TVP23C: variants seen among roughly 807,000 people sequenced by gnomAD.
The protein encoded by TVP23C is Golgi apparatus membrane protein TVP23 homolog C.
In TVP23C, 19 loss-of-function variants were observed where a neutral mutation model predicts 28.7. That is an observed-to-expected ratio of 0.66 (90% CI 0.46 to 0.97). TVP23C has a LOEUF of 0.97. Among genes scored for constraint, TVP23C ranks in the 50% least tolerant of loss-of-function variants. TVP23C has a pLI of 0.00. For missense variants in TVP23C, 186 were observed against 241.3 expected, an observed-to-expected ratio of 0.77 and a Z score of 1.52; for synonymous variants, 68 against 81.7, an observed-to-expected ratio of 0.83 and a Z score of 0.90.
At chr17:15,543,474 G>A (rs1983510544) in intron 5 of TVP23C, among the ~76,000 whole-genome samples, 1 of 151,470 alleles carries the variant, frequency 6.6e-6, no homozygotes, top group Non-Finnish European at 1.5e-5. Flanking sequence ...CAAAATAAAA[G>A]CATTCCTGGG....
chr17:15,529,646 TTGAC>T (rs1982871797), intron 5 of TVP23C, among the ~76,000 whole-genome samples: 1 of 152,224 alleles, frequency 6.6e-6, no homozygotes, highest in Non-Finnish European at 1.5e-5. Context: ...AATCTACTGT[TTGAC>T]ATTAGCATAG....
downstream of TVP23C, among the ~76,000 whole-genome samples, chr17:15,534,972 AT>A: frequency 6.6e-6 from 1 of 150,846 alleles, no homozygotes; most frequent in East Asian, 1.9e-4. Flanking sequence ...CCATGTCAAA[AT>A]AAAAAAACAA....
chr17:15,555,873 CTGTATTTACACTT>C (rs1314482022), intron 1 of TVP23C, among the ~76,000 whole-genome samples: 2 of 152,120 alleles, frequency 1.3e-5, no homozygotes, highest in Non-Finnish European at 2.9e-5. Flanking sequence ...TCATTTTCCC[CTGTATTTACACTT>C]TCTTCTATCT....
At chr17:15,519,064 A>G (rs1982357682) in intron 5 of TVP23C, among the ~76,000 whole-genome samples, 1 of 152,072 alleles carries the variant, frequency 6.6e-6, no homozygotes, top group Non-Finnish European at 1.5e-5. Flanking sequence ...ACCTACCACC[A>G]TGACTATAAG....
chr17:15,557,556 C>A (rs530322066), intron 1 of TVP23C, among the ~76,000 whole-genome samples: 1 of 148,946 alleles, frequency 6.7e-6, no homozygotes, highest in African/African-American at 2.4e-5. Context: ...ACCTCACCCC[C>A]CCATAGTGCT....
intron 1 of TVP23C, among the ~76,000 whole-genome samples, chr17:15,559,848 C>T (rs1183668822): frequency 6.7e-6 from 1 of 148,640 alleles, no homozygotes; most frequent in Admixed American, 6.8e-5. Flanking sequence ...ATAAAGATGG[C>T]TAAGACAGAC....
rs561935437 is a variant in TVP23C at position 15,537,913 on chromosome 17, G to C, written c.*2499C>G. On this transcript the variant is annotated 3_prime_UTR_variant, in exon 6 of 6. Coordinates refer to ENST00000518321, the MANE Select transcript of TVP23C (RefSeq NM_001135036.2). ...ACACCACAGAACAAATCTTAACAAT[G>C]TTTCTAGTGCCAACATATACTTTCT... The C allele has an allele frequency of 2.7e-5, 39 of 1,433,546 alleles. No individual in the cohort carries two copies. In the African/African-American group the frequency reaches 4.0e-4, roughly 15 times the overall value. 88.8% of individuals were successfully genotyped at this position (1,433,546 alleles called of 1,614,324 possible). A position where few individuals can be genotyped will look rare whatever the true frequency, so the allele number is the denominator to read the frequency against.
chr17:15,529,257 G>A lies in TVP23C; in HGVS notation c.462+16528C>T, dbSNP rs1048798120. Among the ~76,000 whole-genome samples the A allele has an allele frequency of 4.6e-5, 7 of 152,124 alleles. No homozygotes were observed. In the East Asian group the frequency reaches 1.4e-3, roughly 30 times the overall value. Reference sequence around the variant, plus strand: ...ACTTGAGGTCAGGAGTTTGAGACCAGCCTGGCCAACATGGTGAAATCCTAT... The same window carrying A: ...ACTTGAGGTCAGGAGTTTGAGACCAACCTGGCCAACATGGTGAAATCCTAT... On this transcript the variant is annotated intron_variant, in intron 5 of 5. Coordinates refer to the TVP23C transcript ENST00000225576.
intron 5 of TVP23C, among the ~76,000 whole-genome samples, chr17:15,523,892 C>T (rs1302039960): frequency 6.6e-6 from 1 of 152,180 alleles, no homozygotes; most frequent in East Asian, 1.9e-4. Context: ...GGATTACAGG[C>T]GTGAGCCACC....
At chr17:15,515,095 G>A (rs1567631664) in intron 5 of TVP23C, among the ~76,000 whole-genome samples, 1 of 152,076 alleles carries the variant, frequency 6.6e-6, no homozygotes, top group African/African-American at 2.4e-5. Context: ...GGTGGCTAGG[G>A]TGCCCATACC....
At chr17:15,535,646 G>A (rs140091756), downstream of TVP23C, among the ~76,000 whole-genome samples, 8,366 of 152,152 alleles carry the variant, frequency 0.055, 772 homozygotes, top group African/African-American at 0.19. Flanking sequence ...AGTGCAACTC[G>A]GCAGCAACTA....
intron 5 of TVP23C, among the ~76,000 whole-genome samples, chr17:15,515,716 C>T (rs113889031): frequency 0.012 from 1,903 of 152,258 alleles, 35 homozygotes; most frequent in African/African-American, 0.042. Flanking sequence ...GCTTTCACCA[C>T]GCGCTTCCCT....
intron 5 of TVP23C, chr17:15,507,041 A>G (rs891200002): frequency 6.1e-6 from 8 of 1,301,300 alleles, no homozygotes; most frequent in Non-Finnish European, 5.5e-6. Flanking sequence ...ATTATTCCAG[A>G]GTTTATGTGT....
chr17:15,531,648 T>G (rs2150842597), intron 5 of TVP23C, among the ~76,000 whole-genome samples: 1 of 152,358 alleles, frequency 6.6e-6, no homozygotes, highest in Non-Finnish European at 1.5e-5. Context: ...TGTTTATACA[T>G]TATTTTCCTT....
At chr17:15,521,338 C>T (rs916314454) in intron 5 of TVP23C, among the ~76,000 whole-genome samples, 7 of 152,016 alleles carry the variant, frequency 4.6e-5, no homozygotes, top group Admixed American at 3.3e-4. Flanking sequence ...CCCATCTCTA[C>T]TAAATATACA....
chr17:15,536,030 A>G (rs1490602532), downstream of TVP23C, among the ~76,000 whole-genome samples: 2 of 152,128 alleles, frequency 1.3e-5, no homozygotes, highest in Non-Finnish European at 2.9e-5. Context: ...CGTCTCTACT[A>G]AAAATACAAA....
At chr17:15,506,161 T>C (rs1291717764) in intron 5 of TVP23C, among the ~76,000 whole-genome samples, 1 of 152,256 alleles carries the variant, frequency 6.6e-6, no homozygotes, top group African/African-American at 2.4e-5. Flanking sequence ...CTGAGTCTGA[T>C]GGGGACGTGG....
chr17:15,545,936 C>G lies in TVP23C; in HGVS notation c.331-20G>C. The G allele has an allele frequency of 3.8e-6, 6 of 1,594,196 alleles. No homozygotes were observed. Among genetic ancestry groups the G allele is most frequent in the Non-Finnish European group, 5.1e-6 (6 of 1,173,850 alleles). On this transcript the variant is annotated intron_variant, in intron 4 of 5. Coordinates refer to ENST00000518321, the MANE Select transcript of TVP23C (RefSeq NM_001135036.2). ...GGACTCCTATAAAAGAACATAAATT[C>G]AATTATCATGTTGTGAAATTTATCA...
Position 15,538,540 on chromosome 17 carries a change from A to G in TVP23C, c.*1872T>C. On this transcript the variant is annotated 3_prime_UTR_variant, in exon 6 of 6. Transcript: ENST00000518321. Reference sequence around the variant, plus strand: ...GGGAGGTGGAGTTTGCAGTGAGCCGAGATCGCGCCACTGCACTCCAGCCTG... The same window carrying G: ...GGGAGGTGGAGTTTGCAGTGAGCCGGGATCGCGCCACTGCACTCCAGCCTG... 1.1e-6 allele frequency: 1 copy of G among 908,806 alleles called. No individual in the cohort carries two copies. The highest frequency in any genetic ancestry group is 5.0e-5 in the South Asian group (1 of 19,812). 56.3% of individuals were successfully genotyped at this position (908,806 alleles called of 1,614,324 possible).
Sources: allele counts gnomAD v4.1 joint callset (sites outside exome capture counted in the v4.1 genomes callset), GRCh38; gene constraint gnomAD v4.1.1; transcripts MANE v1.5; gene names NCBI Gene and HGNC (gene_info 2026-07-23, HGNC 2026-07-21).